TNKS: variants seen among roughly 807,000 people sequenced by gnomAD.
TNKS encodes tankyrase, also known as poly [ADP-ribose] polymerase tankyrase-1.
In TNKS, 72 loss-of-function variants were observed where a neutral mutation model predicts 135.8. That is an observed-to-expected ratio of 0.53 (90% CI 0.44 to 0.64). TNKS has a LOEUF of 0.64. Among genes scored for constraint, TNKS ranks in the 30% least tolerant of loss-of-function variants. The pLI, the probability that TNKS is intolerant of heterozygous loss-of-function variation, is 0.00. For missense variants in TNKS, 1,769 were observed against 1,674.0 expected, an observed-to-expected ratio of 1.06 and a Z score of -0.99; for synonymous variants, 849 against 649.3, an observed-to-expected ratio of 1.31 and a Z score of -4.68.
chr8:9,657,240 G>A (rs1291530514), intron 3 of TNKS, among the ~76,000 whole-genome samples: 27 of 124,370 alleles, frequency 2.2e-4, no homozygotes, highest in African/African-American at 5.6e-4. Context: ...GCGGCTGGCC[G>A]GGCGGGGGGC....
At chr8:9,600,496 T>C (rs540657591) in intron 2 of TNKS, among the ~76,000 whole-genome samples, 2 of 152,054 alleles carry the variant, frequency 1.3e-5, no homozygotes, top group Non-Finnish European at 2.9e-5. Context: ...GTATTTTTTG[T>C]AGAGACAGGT....
chr8:9,631,780 G>C (rs532288727), intron 3 of TNKS, among the ~76,000 whole-genome samples: 1 of 147,250 alleles, frequency 6.8e-6, no homozygotes, highest in South Asian at 2.2e-4. Flanking sequence ...TTTTTTTCAA[G>C]AAAAAGTGTC....
intron 1 of TNKS, among the ~76,000 whole-genome samples, chr8:9,568,524 A>G (rs1245321788): frequency 6.6e-6 from 1 of 152,210 alleles, no homozygotes; most frequent in East Asian, 1.9e-4. Context: ...AAATAAAATG[A>G]TAAACTCCAT....
chr8:9,746,881 C>CTTTT (rs10672387), intron 17 of TNKS, among the ~76,000 whole-genome samples: 1,753 of 117,084 alleles, frequency 0.015, 90 homozygotes, highest in Non-Finnish European at 0.017. Context: ...CCTACTTAAA[C>CTTTT]TTTTTTTTTT....
intron 5 of TNKS, among the ~76,000 whole-genome samples, chr8:9,694,634 C>T (rs764993552): frequency 1.2e-4 from 18 of 151,638 alleles, no homozygotes; most frequent in Non-Finnish European, 1.9e-4. Flanking sequence ...TGGTGGTGGG[C>T]GCCTGTAGTC....
At chr8:9,731,179 G>T in intron 14 of TNKS, 144 bp downstream of exon 14, 1 of 1,118,964 alleles carries the variant, frequency 8.9e-7, no homozygotes, top group Non-Finnish European at 1.2e-6. Context: ...ATAGAAATGT[G>T]CCAGGCATGG....
intron 11 of TNKS, among the ~76,000 whole-genome samples, chr8:9,712,250 CAGA>C (rs1240053487): frequency 6.6e-6 from 1 of 152,152 alleles, no homozygotes; most frequent in African/African-American, 2.4e-5. Context: ...GAGGCAAAGG[CAGA>C]AGGATTGCTT....
At chr8:9,574,351 T>G (rs1797864862) in intron 1 of TNKS, among the ~76,000 whole-genome samples, 1 of 152,210 alleles carries the variant, frequency 6.6e-6, no homozygotes, top group Non-Finnish European at 1.5e-5. Context: ...GCTAGAAATC[T>G]GAGAGCCAGT....
chr8:9,764,465 T>G (rs896144579), intron 22 of TNKS, among the ~76,000 whole-genome samples: 4 of 152,196 alleles, frequency 2.6e-5, no homozygotes, highest in African/African-American at 4.8e-5. Flanking sequence ...ACTTAATGTG[T>G]TTTTTAATAT....
chr8:9,625,656 T>C (rs1800028717), intron 3 of TNKS, among the ~76,000 whole-genome samples: 1 of 152,190 alleles, frequency 6.6e-6, no homozygotes, highest in African/African-American at 2.4e-5. Context: ...CCACAGACTA[T>C]TTAGAGTATG....
chr8:9,715,339 G>C (rs1267268450), intron 11 of TNKS, among the ~76,000 whole-genome samples: 2 of 137,732 alleles, frequency 1.5e-5, no homozygotes, highest in Non-Finnish European at 3.2e-5. Flanking sequence ...AAGTAGCAAG[G>C]AAAGAGGTTG....
intron 26 of TNKS, among the ~76,000 whole-genome samples, chr8:9,775,145 G>A (rs970635286): frequency 6.6e-6 from 1 of 152,064 alleles, no homozygotes; most frequent in Admixed American, 6.6e-5. Context: ...ACCAGTATGT[G>A]AGCTTTGCTA....
chr8:9,648,569 AGTATTATGTATTTCAT>A (rs1419669687), intron 3 of TNKS, among the ~76,000 whole-genome samples: 1 of 152,194 alleles, frequency 6.6e-6, no homozygotes, highest in Non-Finnish European at 1.5e-5. Flanking sequence ...ATCATTTTCA[AGTATTATGTATTTCAT>A]GTATTGTATG....
At chr8:9,668,892 A>C (rs909635010) in intron 3 of TNKS, among the ~76,000 whole-genome samples, 7 of 152,208 alleles carry the variant, frequency 4.6e-5, no homozygotes, top group African/African-American at 1.4e-4. Context: ...TTGACTATTC[A>C]GCTGTAGGGT....
At chr8:9,652,771 T>C (rs1330961942) in intron 3 of TNKS, among the ~76,000 whole-genome samples, 3 of 152,158 alleles carry the variant, frequency 2.0e-5, no homozygotes, top group African/African-American at 7.2e-5. Flanking sequence ...TGTTAGAGTT[T>C]TTCTGTGAGT....
chr8:9,660,108 CA>C (rs1042810467), intron 3 of TNKS, among the ~76,000 whole-genome samples: 1 of 152,006 alleles, frequency 6.6e-6, no homozygotes, highest in African/African-American at 2.4e-5. Context: ...GCTTACCAAC[CA>C]AAAAAAGTCC....
In TNKS at chr8:9,730,995, C is replaced by G; in HGVS notation, c.2107C>G (p.Leu703Val). The G allele has an allele frequency of 6.2e-7, 1 of 1,613,546 alleles. No individual in the cohort carries two copies. The highest frequency in any genetic ancestry group is 8.5e-7 in the Non-Finnish European group (1 of 1,179,706). Reference protein sequence around the residue: ...GYNRVSVVEYLLHHGADVHAK... With the variant: ...GYNRVSVVEYVLHHGADVHAK... The stretch of plus-strand genomic sequence containing the variant: ...CAACCGCGTGTCTGTTGTAGAGTAC[C>G]TGCTACACCACGGTGCCGATGTCCA... Residue 703 changes from leucine (L) to valine (V), a missense_variant, in exon 14 of 27, where the codon CTG becomes GTG. Physicochemically the swap from Leu to Val is conservative, Grantham distance 32 (BLOSUM62 1). Transcript: ENST00000310430.
chr8:9,753,491 A>G (rs7014007), intron 20 of TNKS, among the ~76,000 whole-genome samples: 45,196 of 152,068 alleles, frequency 0.3, 7,016 homozygotes, highest in East Asian at 0.4. Context: ...TGGAGTCATC[A>G]TTAGGGCATT....
intron 25 of TNKS, among the ~76,000 whole-genome samples, chr8:9,769,055 CTTATA>C (rs1421454443): frequency 9.2e-5 from 14 of 152,302 alleles, no homozygotes; most frequent in Admixed American, 7.2e-4. Context: ...ATGTTTATTG[CTTATA>C]TTAGAGATTA....
Sources: gnomAD v4.1 joint callset for allele counts (sites outside exome capture counted in the v4.1 genomes callset) on GRCh38, gnomAD v4.1.1 for gene constraint, MANE v1.5 for transcripts, NCBI Gene and HGNC (gene_info 2026-07-23, HGNC 2026-07-21) for gene names.